The following SIX4 variants were observed in gnomAD, a reference collection of about 807,000 sequenced individuals.
SIX4 encodes the protein SIX homeobox 4, also known as homeobox protein SIX4.
In SIX4, 23 loss-of-function variants were observed where a neutral mutation model predicts 51.5. That is an observed-to-expected ratio of 0.45 (90% CI 0.32 to 0.63). The LOEUF is 0.63. SIX4 is among the 30% of genes least tolerant of loss of function. The probability of loss-of-function intolerance (pLI) is 0.04; values close to 1 mark genes in which losing one functional copy is unlikely to be tolerated. For synonymous variants in SIX4, 413 were observed against 417.3 expected (o/e 0.99, Z 0.13); for missense variants, 867 against 984.0 (o/e 0.88, Z 1.59).
At position 60,714,095 on chromosome 14, in the gene SIX4, A is replaced by AC; in HGVS notation, c.1657dup (p.Val553GlyfsTer7). 1 of 1,614,130 alleles carries AC rather than the reference A, an allele frequency of 6.2e-7. No individual in the cohort carries two copies. Among genetic ancestry groups the AC allele is most frequent in the Non-Finnish European group, 8.5e-7 (1 of 1,180,022 alleles). ...GCCTGTATTAGGAACCGTGTATACC[A>AC]CTGCACTGGGAGCAAGAGAGCTCAA... On this transcript the variant is annotated frameshift_variant, in exon 3 of 3. Transcript: ENST00000216513. LOFTEE classifies it high-confidence loss of function.
rs775431150 is a variant in SIX4 at position 60,723,427 on chromosome 14, C to T, written c.648G>A (p.Leu216=). Residue 216 remains leucine (L), a synonymous_variant, in exon 1 of 3, where the codon CTG becomes CTA. Transcript: ENST00000216513. ...CCTCGCCGTCCCAGATGGTGCGGGG[C>T]AGGGGGAATTTCCTGCGCAGCCGGT... ...DKYRLRRKFP[L]PRTIWDGEET... is the part of the protein sequence containing the mutation. 49 of 1,610,696 alleles carry T rather than the reference C, an allele frequency of 3.0e-5. No homozygotes were observed. Among genetic ancestry groups the T allele is most frequent in the Non-Finnish European group, 4.0e-5 (47 of 1,179,924 alleles).
rs1482552676 is a variant in SIX4 at position 60,711,192 on chromosome 14, A to G, written c.*2215T>C. On this transcript the variant is annotated 3_prime_UTR_variant, in exon 3 of 3. Transcript: ENST00000216513. ...TAACAGGATCAGCACACACCCAAAG[A>G]AAAAACAAGCTCTATGAGTAGTAGT... 6.6e-6 allele frequency: 1 copy of G among 152,508 alleles called. No homozygotes were observed. 9.4% of individuals were successfully genotyped at this position (152,508 alleles called of 1,614,324 possible). A position where few individuals can be genotyped will look rare whatever the true frequency, so the allele number is the denominator to read the frequency against.
At position 60,720,546 on chromosome 14, in the gene SIX4, A is replaced by C; in HGVS notation, c.864-101T>G. On this transcript the variant is annotated intron_variant, in intron 1 of 2. Coordinates refer to ENST00000216513, the MANE Select transcript of SIX4 (RefSeq NM_017420.5). The surrounding 1 kb of genome is among the most constrained non-coding windows in gnomAD (Gnocchi z 5.5). ...ACCAGCTTCTAAATCCATTAAAGGC[A>C]GTATTTAAGGAAAGCACAGCAGGAT... is the stretch of plus-strand genomic sequence containing the variant. 8.5e-7 allele frequency: 1 copy of C among 1,170,888 alleles called. No homozygotes were observed. Among genetic ancestry groups the C allele is most frequent in the Non-Finnish European group, 1.2e-6 (1 of 831,002 alleles). The allele number at this position is 1,170,888 out of a possible 1,614,324, so 72.5% of individuals were successfully genotyped here.
Position 60,717,755 on chromosome 14 carries a change from C to T in SIX4, c.1549+2005G>A, listed in dbSNP as rs1895943159. Among the ~76,000 whole-genome samples, 1 of 152,102 alleles carries T rather than the reference C, an allele frequency of 6.6e-6. No individual in the cohort carries two copies. Among genetic ancestry groups the T allele is most frequent in the Non-Finnish European group, 1.5e-5 (1 of 68,014 alleles). On this transcript the variant is annotated intron_variant, in intron 2 of 2. Transcript: ENST00000216513. This position sits in a 1 kb window ranked among gnomAD's most constrained non-coding sequence, Gnocchi z 4.6. The stretch of plus-strand genomic sequence containing the variant: ...AAAAATCAGGCCAGGCGCTGTGGCT[C>T]ATGCCTGTAATCCCAGCACTTTGGG...
chr14:60,720,691 C>T lies in SIX4; in HGVS notation c.864-246G>A, dbSNP rs1896005001. 6.6e-6 allele frequency among the ~76,000 whole-genome samples: 1 copy of T among 152,154 alleles called. No homozygotes were observed. The highest frequency in any genetic ancestry group is 6.5e-5 in the Admixed American group (1 of 15,286). On this transcript the variant is annotated intron_variant, in intron 1 of 2. Transcript: ENST00000216513. The surrounding 1 kb of genome is among the most constrained non-coding windows in gnomAD (Gnocchi z 5.5). ...AATAACAATAAATTCAGGGAAAGTC[C>T]AGACATCTGCAAGATGTAAATTCAG... is the stretch of plus-strand genomic sequence containing the variant.
At chr14:60,723,064 G>T in intron 1 of SIX4, 148 bp downstream of exon 1, 2 of 1,411,946 alleles carry the variant, frequency 1.4e-6, no homozygotes, top group East Asian at 5.4e-5. Flanking sequence ...TGCCGGCCGG[G>T]GAGCGAGGTA....
In SIX4 at chr14:60,714,006, G is replaced by C; in HGVS notation, c.1747C>G (p.Pro583Ala). ...TTTACTTGTGCATTCTGATTGACAG[G>C]CATCAACTGAGAAAATACCAGGCTC... The part of the protein sequence containing the change: ...ERSLVFSQLM[P>A]VNQNAQVNAN... The change falls in exon 3 of 3, where the codon CCT becomes GCT. Residue 583 changes from proline to alanine, a missense_variant. Physicochemically the swap from Pro to Ala is conservative, Grantham distance 27. Coordinates refer to ENST00000216513, the MANE Select transcript of SIX4 (RefSeq NM_017420.5). 6.2e-7 allele frequency: 1 copy of C among 1,614,042 alleles called. No homozygotes were observed. Among genetic ancestry groups the C allele is most frequent in the Non-Finnish European group, 8.5e-7 (1 of 1,179,990 alleles).
Position 60,718,821 on chromosome 14 carries a change from T to TG in SIX4, c.1549+938dup, listed in dbSNP as rs142427568. 3.5e-3 allele frequency among the ~76,000 whole-genome samples: 527 copies of TG among 152,240 alleles called. 1 individual carries two copies. Among genetic ancestry groups the TG allele is most frequent in the East Asian group, 0.027 (138 of 5,172 alleles). On this transcript the variant is annotated intron_variant, in intron 2 of 2. Transcript: ENST00000216513. ...AGAGTTGTGCATAAATTGATTTTTT[T>TG]GGGGGGGTGGTAAAACCATCTTATA...
intron 2 of SIX4, chr14:60,718,086 A>G (rs1269759520): frequency 6.3e-6 from 1 of 159,668 alleles, no homozygotes; most frequent in African/African-American, 2.4e-5. Context: ...TAGATATTCT[A>G]CTTTTCCACA....
intron 2 of SIX4, among the ~76,000 whole-genome samples, chr14:60,716,214 T>C (rs1895918164): frequency 6.6e-6 from 1 of 151,692 alleles, no homozygotes; most frequent in Admixed American, 6.6e-5. Flanking sequence ...CCCAAGTAGC[T>C]GGGACTACAG....
chr14:60,723,487 T>G lies in SIX4; in HGVS notation c.588A>C (p.Arg196=), dbSNP rs370856872. ...CGGCTCCCAGCGGCCGGCCGCGGGC[T>G]CGCTCGGCCTCGGTGTAGCGCGCCT... The part of the protein sequence containing the change: ...WYKARYTEAE[R]ARGRPLGAVD... Residue 196 remains arginine, a synonymous_variant, in exon 1 of 3, where the codon CGA becomes CGC. Coordinates refer to ENST00000216513, the MANE Select transcript of SIX4 (RefSeq NM_017420.5). The G allele has an allele frequency of 5.0e-6, 8 of 1,606,030 alleles. No individual in the cohort carries two copies. The highest frequency in any genetic ancestry group is 1.7e-5 in the Admixed American group (1 of 59,876).
Position 60,723,283 on chromosome 14 carries a change from G to T in SIX4, c.792C>A (p.Leu264=), listed in dbSNP as rs200502250. The change falls in exon 1 of 3, where the codon CTC becomes CTA. Residue 264 remains leucine, a synonymous_variant. Transcript: ENST00000216513. The part of the protein sequence containing the change: ...RHLAKITGLS[L]TQVSNWFKNR... ...TCTTGAACCAGTTGCTGACCTGGGT[G>T]AGGGAGAGGCCGGTGATCTTGGCCA... 1.3e-4 allele frequency: 211 copies of T among 1,613,492 alleles called. 1 individual carries two copies. Among genetic ancestry groups the T allele is most frequent in the Non-Finnish European group, 2.6e-5 (31 of 1,180,012 alleles).
intron 2 of SIX4, among the ~76,000 whole-genome samples, chr14:60,715,296 A>G (rs1216528451): frequency 1.3e-5 from 2 of 152,254 alleles, no homozygotes; most frequent in Non-Finnish European, 2.9e-5. Context: ...TCAGTAACTG[A>G]CATAAAATAT....
At position 60,719,297 on chromosome 14, in the gene SIX4, T is replaced by A. The variant is rs1050658347; in HGVS notation, c.1549+463A>T. 3.3e-5 allele frequency among the ~76,000 whole-genome samples: 5 copies of A among 152,244 alleles called. No homozygotes were observed. Among genetic ancestry groups the A allele is most frequent in the African/African-American group, 1.2e-4 (5 of 41,458 alleles). ...GGAAACAGGATTCAAACATAATTGATCCGGTCTTTTTAGCTTGTTCTTCTA... is the reference window on the plus strand; with the variant it reads ...GGAAACAGGATTCAAACATAATTGAACCGGTCTTTTTAGCTTGTTCTTCTA... On this transcript the variant is annotated intron_variant, in intron 2 of 2. Coordinates refer to ENST00000216513, the MANE Select transcript of SIX4 (RefSeq NM_017420.5). This position sits in a 1 kb window ranked among gnomAD's most constrained non-coding sequence, Gnocchi z 4.9.
chr14:60,718,617 A>G (rs1895962693), intron 2 of SIX4, among the ~76,000 whole-genome samples: 1 of 152,222 alleles, frequency 6.6e-6, no homozygotes, highest in South Asian at 2.1e-4. Context: ...CCTATGTTAG[A>G]TAGTAACTTA....
chr14:60,714,533 C>T (rs17097753), intron 2 of SIX4, among the ~76,000 whole-genome samples: 2,811 of 152,252 alleles, frequency 0.018, 84 homozygotes, highest in African/African-American at 0.064. Flanking sequence ...GTTCCTGAGT[C>T]GCAGGTGTGC....
At position 60,713,437 on chromosome 14, in the gene SIX4, G is replaced by T. The variant is rs1425642989; in HGVS notation, c.2316C>A (p.Val772=). The T allele has an allele frequency of 1.9e-6, 3 of 1,610,528 alleles. No homozygotes were observed. The Admixed American group carries it at 5.1e-5, about 27-fold the overall frequency. ...AGTCTTGCATATCTTCATCCAGCTG[G>T]ACAGTCTGGAGCTTGGCAAGCTCTT... ...DKKELAKLQT[V]QLDEDMQDL The change falls in exon 3 of 3, where the codon GTC becomes GTA. Residue 772 remains valine (V), a synonymous_variant. Transcript: ENST00000216513.
chr14:60,715,646 G>A lies in SIX4; in HGVS notation c.1550-1443C>T, dbSNP rs184072232. On this transcript the variant is annotated intron_variant, in intron 2 of 2. Transcript: ENST00000216513. ...CCAGAAGTAGAAAAAAAAATGTTAA[G>A]TAGAAAGCTGAGATGTTCAAATCAG... Among the ~76,000 whole-genome samples, 550 of 152,254 alleles carry A rather than the reference G, an allele frequency of 3.6e-3. 2 individuals carry two copies. The highest frequency in any genetic ancestry group is 0.017 in the Middle Eastern group (5 of 294).
chr14:60,717,017 T>TATTTGAAAACACTGCCTTC lies in SIX4; in HGVS notation c.1549+2724_1549+2742dup, dbSNP rs1341233080. 1.5e-5 allele frequency: 4 copies of TATTTGAAAACACTGCCTTC among 258,126 alleles called. No individual in the cohort carries two copies. The highest frequency in any genetic ancestry group is 9.4e-5 in the African/African-American group (4 of 42,626). 16.0% of individuals were successfully genotyped at this position (258,126 alleles called of 1,614,324 possible). On this transcript the variant is annotated intron_variant, in intron 2 of 2. Transcript: ENST00000216513. This position sits in a 1 kb window ranked among gnomAD's most constrained non-coding sequence, Gnocchi z 4.6. ...ACCACACATATGAAAAAACTGCTTT[T>TATTTGAAAACACTGCCTTC]ATTTGAAAACACTGCCTTCAACTTA...
Sources: allele counts gnomAD v4.1 joint callset (sites outside exome capture counted in the v4.1 genomes callset), GRCh38; gene constraint gnomAD v4.1.1; non-coding constraint Gnocchi (gnomAD v3.1); transcripts MANE v1.5; gene names NCBI Gene and HGNC (gene_info 2026-07-23, HGNC 2026-07-21).